Variants in WDR64 observed in about 807,000 individuals in gnomAD.
The protein encoded by WDR64 is WD repeat domain 64.
Under a neutral mutation model 139.3 loss-of-function variants are expected in WDR64, and 112 were observed. The observed-to-expected ratio is 0.80, with a 90% CI of 0.69 to 0.94. The LOEUF is 0.94. WDR64 is among the 40% of genes least tolerant of loss of function. The probability of loss-of-function intolerance (pLI) is 0.00; values close to 1 mark genes in which losing one functional copy is unlikely to be tolerated. For missense variants in WDR64, 1,206 were observed against 1,293.1 expected (o/e 0.93, Z 1.03); for synonymous variants, 444 against 437.7 (o/e 1.01, Z -0.18).
rs141264879 is a variant in WDR64 at position 241,758,440 on chromosome 1, T to C, written c.1947+981T>C. On this transcript the variant is annotated intron_variant, in intron 15 of 27. Coordinates refer to ENST00000437684, the MANE Select transcript of WDR64 (RefSeq NM_001367482.1). Reference sequence around the variant, plus strand: ...GAACGTGTGTAAAGAAAACCTCTCCTTTACCAAATATTTGGTTACACTGAG... The same window carrying C: ...GAACGTGTGTAAAGAAAACCTCTCCCTTACCAAATATTTGGTTACACTGAG... Among the ~76,000 whole-genome samples, 1,058 of 152,194 alleles carry C rather than the reference T, an allele frequency of 7.0e-3. 12 individuals carry two copies. Among genetic ancestry groups the C allele is most frequent in the Non-Finnish European group, 9.9e-3 (671 of 67,996 alleles).
chr1:241,667,126 A>C (rs1275923323), intron 2 of WDR64, among the ~76,000 whole-genome samples: 3 of 152,228 alleles, frequency 2.0e-5, no homozygotes, highest in Non-Finnish European at 4.4e-5. Flanking sequence ...ACATAATTTC[A>C]AATTAGATGA....
chr1:241,733,777 G>A (rs7367532), intron 10 of WDR64, among the ~76,000 whole-genome samples: 18,569 of 151,690 alleles, frequency 0.12, 1,305 homozygotes, highest in East Asian at 0.28. Flanking sequence ...TATCTCTGTC[G>A]TAAAGCCACT....
chr1:241,769,836 C>T (rs942200307), intron 17 of WDR64, among the ~76,000 whole-genome samples: 2 of 152,152 alleles, frequency 1.3e-5, no homozygotes, highest in African/African-American at 4.8e-5. Flanking sequence ...TCGCCAAAAT[C>T]TGACACAGGT....
Position 241,671,155 on chromosome 1 carries a change from A to G in WDR64, c.358A>G (p.Lys120Glu). ...AAATTTGGTTTTCTTTGTGTCTAGA[A>G]AAAGGCGAATTTTAATTTCAGGTGA... The part of the protein sequence containing the change: ...EENLVFFVSR[K>E]RRILISGSRR... The change falls in exon 3 of 28, where the codon AAA (lysine) becomes GAA (glutamate). Residue 120 changes from lysine (K) to glutamate (E), a missense_variant. Transcript: ENST00000437684. 2 of 1,550,162 alleles carry G rather than the reference A, an allele frequency of 1.3e-6. No individual in the cohort carries two copies. The highest frequency in any genetic ancestry group is 1.7e-6 in the Non-Finnish European group (2 of 1,146,166).
intron 10 of WDR64, among the ~76,000 whole-genome samples, chr1:241,729,675 G>GT (rs891142810): frequency 1.2e-4 from 19 of 152,096 alleles, no homozygotes; most frequent in South Asian, 2.1e-4. Context: ...TAAAAATTGA[G>GT]TTTTTTTTCC....
At chr1:241,718,533 C>T (rs1396591849) in intron 9 of WDR64, among the ~76,000 whole-genome samples, 1 of 152,080 alleles carries the variant, frequency 6.6e-6, no homozygotes, top group Non-Finnish European at 1.5e-5. Context: ...TTTCTAAGTG[C>T]ACAGTTAGCT....
chr1:241,723,398 GA>G lies in WDR64; in HGVS notation c.1161del (p.Asp388IlefsTer42). On this transcript the variant is annotated frameshift_variant, in exon 10 of 28. Transcript: ENST00000437684. LOFTEE classifies it high-confidence loss of function. ...MFSIAEIVTN[E>X]KDQHVVSLSS... is the part of the protein sequence containing the mutation. Reference sequence around the variant, plus strand: ...CAGTATCGCCGAGATCGTAACCAATGAAAAAGATCAACATGTCGTCAGCCTT... The same window carrying G: ...CAGTATCGCCGAGATCGTAACCAATGAAAAGATCAACATGTCGTCAGCCTT... 6.2e-7 allele frequency: 1 copy of G among 1,613,710 alleles called. No homozygotes were observed. Among genetic ancestry groups the G allele is most frequent in the Non-Finnish European group, 8.5e-7 (1 of 1,179,750 alleles).
intron 9 of WDR64, 27 bp from the exon 10 acceptor site, chr1:241,723,267 CCAA>C (rs1668672968): frequency 6.2e-7 from 1 of 1,611,754 alleles, no homozygotes. Context: ...CCTCAGAAAA[CCAA>C]CAATCTTTCC....
chr1:241,682,399 A>T (rs1315964194), intron 6 of WDR64, among the ~76,000 whole-genome samples: 1 of 152,140 alleles, frequency 6.6e-6, no homozygotes, highest in Non-Finnish European at 1.5e-5. Flanking sequence ...TTCCCACTTA[A>T]TGTTTTTGTC....
At chr1:241,719,697 C>A (rs546421484) in intron 9 of WDR64, among the ~76,000 whole-genome samples, 1 of 152,092 alleles carries the variant, frequency 6.6e-6, no homozygotes, top group Non-Finnish European at 1.5e-5. Flanking sequence ...AAATAAAAAT[C>A]CAATATACAT....
At chr1:241,695,320 T>A (rs921156791) in intron 8 of WDR64, among the ~76,000 whole-genome samples, 4 of 152,210 alleles carry the variant, frequency 2.6e-5, no homozygotes, top group African/African-American at 4.8e-5. Flanking sequence ...CACAACTATA[T>A]GTTTTTTTTC....
rs150642104 is a variant in WDR64 at position 241,749,602 on chromosome 1, G to A, written c.1650G>A (p.Glu550=). The A allele has an allele frequency of 1.2e-6, 2 of 1,613,982 alleles. No individual in the cohort carries two copies. Among genetic ancestry groups the A allele is most frequent in the African/African-American group, 1.3e-5 (1 of 74,896 alleles). ...GSGQEMKVLP[E]GKDWKEDEHC... ...GGCAGGAGATGAAGGTGTTGCCGGA[G>A]GGGAAAGACTGGAAGGAGGACGAGC... is the stretch of plus-strand genomic sequence containing the variant. The change falls in exon 14 of 28, where the codon GAG becomes GAA. Residue 550 remains glutamate (E), a synonymous_variant. Transcript: ENST00000437684.
Position 241,802,157 on chromosome 1 carries a change from A to G in WDR64, c.*942A>G, listed in dbSNP as rs1430173005. The G allele has an allele frequency of 7.5e-6, 3 of 398,028 alleles. No homozygotes were observed. The East Asian group carries it at 1.1e-4, about 14-fold the overall frequency. 24.7% of individuals were successfully genotyped at this position (398,028 alleles called of 1,614,324 possible). On this transcript the variant is annotated 3_prime_UTR_variant, in exon 28 of 28. Coordinates refer to ENST00000437684, the MANE Select transcript of WDR64 (RefSeq NM_001367482.1). ...AAAAAGGAAAAAGCCTAGTTTCCACAACAGAAGAATGACTAAACAAACTAT... is the reference window on the plus strand; with the variant it reads ...AAAAAGGAAAAAGCCTAGTTTCCACGACAGAAGAATGACTAAACAAACTAT...
At chr1:241,792,762 T>C (rs761371936) in intron 25 of WDR64, among the ~76,000 whole-genome samples, 2 of 152,130 alleles carry the variant, frequency 1.3e-5, no homozygotes, top group Non-Finnish European at 2.9e-5. Flanking sequence ...GGGTTGGTGT[T>C]TTGTGGCACA....
chr1:241,799,213 A>AAAAAAAAAAAAAAAC (rs1659451807), intron 27 of WDR64, among the ~76,000 whole-genome samples: 1 of 133,654 alleles, frequency 7.5e-6, no homozygotes, highest in Non-Finnish European at 1.7e-5. Flanking sequence ...AAAAAAAAAA[A>AAAAAAAAAAAAAAAC]AAAAAAAAAA....
chr1:241,762,278 A>G (rs1657948814), intron 15 of WDR64, among the ~76,000 whole-genome samples: 1 of 151,376 alleles, frequency 6.6e-6, no homozygotes, highest in Non-Finnish European at 1.5e-5. Context: ...GTGCATTTTC[A>G]ATGAGCAGTA....
Position 241,652,330 on chromosome 1 carries a change from C to A in WDR64, c.-155C>A, listed in dbSNP as rs1665391784. The stretch of plus-strand genomic sequence containing the variant: ...GCTAACATCCTAGTGGCAACTCTTA[C>A]TCCTACCCGCACTATGGGATTTTAA... On this transcript the variant is annotated 5_prime_UTR_variant, in exon 1 of 28. Coordinates refer to ENST00000437684, the MANE Select transcript of WDR64 (RefSeq NM_001367482.1). 9.8e-6 allele frequency: 7 copies of A among 713,242 alleles called. No homozygotes were observed. The South Asian group carries it at 1.5e-4, about 15-fold the overall frequency. 44.2% of individuals were successfully genotyped at this position (713,242 alleles called of 1,614,324 possible).
chr1:241,722,308 T>G (rs1440029502), intron 9 of WDR64, among the ~76,000 whole-genome samples: 1 of 152,280 alleles, frequency 6.6e-6, no homozygotes, highest in South Asian at 2.1e-4. Flanking sequence ...ACTGACAGAA[T>G]ATATCATTGA....
At chr1:241,728,014 G>C (rs1668912663) in intron 10 of WDR64, among the ~76,000 whole-genome samples, 1 of 151,680 alleles carries the variant, frequency 6.6e-6, no homozygotes, top group African/African-American at 2.4e-5. Context: ...TCTAGGAAAA[G>C]GAAAAGGGCA....
Sources: gnomAD v4.1 joint callset for allele counts (sites outside exome capture counted in the v4.1 genomes callset) on GRCh38, gnomAD v4.1.1 for gene constraint, MANE v1.5 for transcripts, NCBI Gene and HGNC (gene_info 2026-07-23, HGNC 2026-07-21) for gene names.